Variants in DGKA observed in about 807,000 individuals in gnomAD.
DGKA encodes the protein 80 kDa diacylglycerol kinase.
DGKA carries 35 observed loss-of-function variants against 105.0 expected under a neutral mutation model. The observed-to-expected ratio is 0.33, with a 90% CI of 0.25 to 0.44. DGKA has a LOEUF of 0.44. Among genes scored for constraint, DGKA ranks in the 20% least tolerant of loss-of-function variants. The pLI is 1.00. For missense variants in DGKA, 665 were observed against 915.0 expected (o/e 0.73, Z 3.53); for synonymous variants, 296 against 332.0 (o/e 0.89, Z 1.18).
Position 55,932,281 on chromosome 12 carries a change from C to A in DGKA, c.-82+937C>A, listed in dbSNP as rs1343133296. 1 of 519,778 alleles carries A rather than the reference C, an allele frequency of 1.9e-6. No individual in the cohort carries two copies. The highest frequency in any genetic ancestry group is 3.5e-6 in the Non-Finnish European group (1 of 286,206). 32.2% of individuals were successfully genotyped at this position (519,778 alleles called of 1,614,324 possible). A position where few individuals can be genotyped will look rare whatever the true frequency, so the allele number is the denominator to read the frequency against. The stretch of plus-strand genomic sequence containing the variant: ...GTATCGAGAAGGGTCTGCGCTGGGA[C>A]GCGGGGGTGCAGCGGGAGGGCTGGG... On this transcript the variant is annotated intron_variant, in intron 1 of 23. Coordinates refer to ENST00000331886, the MANE Select transcript of DGKA (RefSeq NM_001345.5). This position sits in a 1 kb window ranked among gnomAD's most constrained non-coding sequence, Gnocchi z 4.3.
chr12:55,950,518 G>A (rs1887952438), intron 17 of DGKA, among the ~76,000 whole-genome samples: 1 of 151,926 alleles, frequency 6.6e-6, no homozygotes, highest in African/African-American at 2.4e-5. Context: ...ATGTTAGCCA[G>A]GATGGTCTCG....
intron 4 of DGKA, 147 bp downstream of exon 4, chr12:55,937,690 GGGA>G: frequency 9.2e-7 from 1 of 1,089,220 alleles, no homozygotes; most frequent in South Asian, 1.5e-5. Context: ...AGGAGCTAAA[GGGA>G]GGAAAGGTAA....
chr12:55,935,876 G>A (rs888131998), intron 1 of DGKA: 2 of 986,356 alleles, frequency 2.0e-6, no homozygotes, highest in African/African-American at 1.7e-5. Flanking sequence ...GGTGGCTCGG[G>A]GAGTGGGTGG....
In DGKA at chr12:55,940,173, G is replaced by A; in HGVS notation, c.798+3G>A. 2 of 1,614,136 alleles carry A rather than the reference G, an allele frequency of 1.2e-6. No individual in the cohort carries two copies. The highest frequency in any genetic ancestry group is 1.7e-6 in the Non-Finnish European group (2 of 1,179,964). Reference sequence around the variant, plus strand: ...CCAAGTCTCGGAAGGACATTGGTGTGAGTGATCTCATGCCTCCACCCCCAA... The same window carrying A: ...CCAAGTCTCGGAAGGACATTGGTGTAAGTGATCTCATGCCTCCACCCCCAA... On this transcript the variant is annotated splice_donor_region_variant and intron_variant, in intron 10 of 23. Coordinates refer to ENST00000331886, the MANE Select transcript of DGKA (RefSeq NM_001345.5). The surrounding 1 kb of genome is among the most constrained non-coding windows in gnomAD (Gnocchi z 4.3).
intron 17 of DGKA, among the ~76,000 whole-genome samples, chr12:55,950,760 G>C (rs982913041): frequency 7.2e-5 from 11 of 152,038 alleles, no homozygotes; most frequent in Non-Finnish European, 5.9e-5. Context: ...TGTTTTTTGA[G>C]ATGGGGTCTC....
chr12:55,939,554 G>T, intron 9 of DGKA, 25 bp downstream of exon 9: 1 of 1,609,060 alleles, frequency 6.2e-7, no homozygotes, highest in South Asian at 1.1e-5. Flanking sequence ...CTGGGAGGTA[G>T]GGGAAGAGGG....
intron 4 of DGKA, 85 bp downstream of exon 4, chr12:55,937,628 T>G: frequency 6.5e-7 from 1 of 1,528,776 alleles, no homozygotes; most frequent in Non-Finnish European, 8.9e-7. Context: ...TTAACTTGAG[T>G]CACACGTTGT....
At chr12:55,934,224 C>A (rs906661118) in intron 1 of DGKA, among the ~76,000 whole-genome samples, 1 of 152,204 alleles carries the variant, frequency 6.6e-6, no homozygotes, top group African/African-American at 2.4e-5. Flanking sequence ...TGTTTGCTCC[C>A]TCCTTGTCAC....
upstream of DGKA, chr12:55,930,362 T>G (rs1239193818): frequency 7.6e-6 from 1 of 132,000 alleles, no homozygotes; most frequent in Non-Finnish European, 1.6e-5. Flanking sequence ...GCCTTGTTTT[T>G]TTTTTTTTTT....
At chr12:55,942,531 G>T in intron 17 of DGKA, 1 of 425,472 alleles carries the variant, frequency 2.4e-6, no homozygotes, top group Admixed American at 3.5e-5. Flanking sequence ...ATGGCTCAGA[G>T]AATCAAGGAA....
rs1237856272 is a variant in DGKA, at chr12:55,932,449, G to A, written c.-82+1105G>A. 2 of 685,656 alleles carry A rather than the reference G, an allele frequency of 2.9e-6. No individual in the cohort carries two copies. The highest frequency in any genetic ancestry group is 2.0e-5 in the Admixed American group (1 of 49,222). 42.5% of individuals were successfully genotyped at this position (685,656 alleles called of 1,614,324 possible). A position where few individuals can be genotyped will look rare whatever the true frequency, so the allele number is the denominator to read the frequency against. ...TCCACAGTGCCGCACGGGTGGAGAA[G>A]GGTTCTTGTTTGGCCTCCAGGTCCC... On this transcript the variant is annotated intron_variant, in intron 1 of 23. Coordinates refer to ENST00000331886, the MANE Select transcript of DGKA (RefSeq NM_001345.5). This position sits in a 1 kb window ranked among gnomAD's most constrained non-coding sequence, Gnocchi z 4.3.
upstream of DGKA, chr12:55,927,422 T>C (rs1299440869): frequency 1.4e-6 from 1 of 708,612 alleles, no homozygotes; most frequent in South Asian, 1.5e-5. Context: ...GTCCAGGACC[T>C]GCGAGGGAAA....
chr12:55,942,050 G>A lies in DGKA; in HGVS notation c.1303G>A (p.Asp435Asn). Residue 435 changes from aspartate to asparagine, a missense_variant, in exon 16 of 24, where the codon GAC becomes AAC. By Grantham distance (23) the Asp-to-Asn change is conservative. Coordinates refer to ENST00000331886, the MANE Select transcript of DGKA (RefSeq NM_001345.5). ...TAGCCGGATTTTGGTGTGTGGTGGA[G>A]ACGGCACAGTAGGCTGGATTCTAGA... is the stretch of plus-strand genomic sequence containing the variant. ...PDSRILVCGG[D>N]GTVGWILETI... 1 of 1,614,180 alleles carries A rather than the reference G, an allele frequency of 6.2e-7. No individual in the cohort carries two copies. Among genetic ancestry groups the A allele is most frequent in the Non-Finnish European group, 8.5e-7 (1 of 1,180,030 alleles).
intron 1 of DGKA, chr12:55,936,115 A>C: frequency 2.2e-5 from 18 of 831,896 alleles, no homozygotes; most frequent in Middle Eastern, 5.7e-4. Flanking sequence ...TAGACTGAGA[A>C]AGCCGGGTGC....
rs1883895766 is a variant in DGKA, at chr12:55,932,735, ACACAC to A, written c.-82+1392_-82+1396del. The A allele has an allele frequency of 2.0e-5, 12 of 614,278 alleles. No individual in the cohort carries two copies. Among genetic ancestry groups the A allele is most frequent in the South Asian group, 1.3e-4 (7 of 54,866 alleles). 38.1% of individuals were successfully genotyped at this position (614,278 alleles called of 1,614,324 possible). A position where few individuals can be genotyped will look rare whatever the true frequency, so the allele number is the denominator to read the frequency against. On this transcript the variant is annotated intron_variant, in intron 1 of 23. Coordinates refer to ENST00000331886, the MANE Select transcript of DGKA (RefSeq NM_001345.5). This position sits in a 1 kb window ranked among gnomAD's most constrained non-coding sequence, Gnocchi z 4.3. ...CACACACACACACACACACACACAC[ACACAC>A]AACCCCCTCAGCCAGGTGTAGCACT...
rs1883820731 is a variant in DGKA at position 55,932,572 on chromosome 12, C to T, written c.-82+1228C>T. Reference sequence around the variant, plus strand: ...TTTCACCTTGATAGGAGAAATGAGCCTTCCTGAGGAAGAATGGCAAATATT... The same window carrying T: ...TTTCACCTTGATAGGAGAAATGAGCTTTCCTGAGGAAGAATGGCAAATATT... On this transcript the variant is annotated intron_variant, in intron 1 of 23. Transcript: ENST00000331886. This position sits in a 1 kb window ranked among gnomAD's most constrained non-coding sequence, Gnocchi z 4.3. 1.4e-6 allele frequency: 1 copy of T among 702,264 alleles called. No homozygotes were observed. The highest frequency in any genetic ancestry group is 2.3e-4 in the Middle Eastern group (1 of 4,364). 43.5% of individuals were successfully genotyped at this position (702,264 alleles called of 1,614,324 possible).
rs1364274806 is a variant in DGKA, at chr12:55,940,385, G to T, written c.870G>T (p.Arg290=). The T allele has an allele frequency of 1.2e-6, 2 of 1,614,090 alleles. No individual in the cohort carries two copies. Among genetic ancestry groups the T allele is most frequent in the African/African-American group, 1.3e-5 (1 of 74,920 alleles). Residue 290 remains arginine (R), a synonymous_variant, in exon 11 of 24, where the codon CGG becomes CGT. Transcript: ENST00000331886. This position sits in a 1 kb window ranked among gnomAD's most constrained non-coding sequence, Gnocchi z 4.3. ...GCGACCGCTGTCAGAAAAAGATCCG[G>T]ATCTACCACAGTCTGACCGGGCTGC... is the stretch of plus-strand genomic sequence containing the variant. The part of the protein sequence containing the change: ...GRCDRCQKKI[R]IYHSLTGLHC...
rs1024065458 is a variant in DGKA, at chr12:55,932,699, ACACACACACG to A, written c.-82+1365_-82+1374del. 4 of 612,152 alleles carry A rather than the reference ACACACACACG, an allele frequency of 6.5e-6. No individual in the cohort carries two copies. Among genetic ancestry groups the A allele is most frequent in the East Asian group, 2.8e-5 (1 of 35,390 alleles). The allele number at this position is 612,152 out of a possible 1,614,324, so 37.9% of individuals were successfully genotyped here. On this transcript the variant is annotated intron_variant, in intron 1 of 23. Coordinates refer to ENST00000331886, the MANE Select transcript of DGKA (RefSeq NM_001345.5). This position sits in a 1 kb window ranked among gnomAD's most constrained non-coding sequence, Gnocchi z 4.3. ...CTACGCAATGACACCCTCTACACAC[ACACACACACG>A]CACACACACACACACACACACACAC...
At chr12:55,939,942 G>A in intron 9 of DGKA, 140 bp from the exon 10 acceptor site, 1 of 734,632 alleles carries the variant, frequency 1.4e-6, no homozygotes, top group Admixed American at 2.1e-5. Flanking sequence ...GGTTTTGGAG[G>A]TGGGCACTTC....
Sources: gnomAD v4.1 joint callset for allele counts (sites outside exome capture counted in the v4.1 genomes callset) on GRCh38, gnomAD v4.1.1 for gene constraint, Gnocchi (gnomAD v3.1) non-coding constraint, MANE v1.5 for transcripts, NCBI Gene and HGNC (gene_info 2026-07-23, HGNC 2026-07-21) for gene names.